The following CDH4 variants were observed in gnomAD, a reference collection of about 807,000 sequenced individuals.
The protein encoded by CDH4 is cadherin-4.
In CDH4, 33 loss-of-function variants were observed where a neutral mutation model predicts 86.0. That is an observed-to-expected ratio of 0.38 (90% CI 0.29 to 0.51). CDH4 has a LOEUF of 0.51. CDH4 is among the 20% of genes least tolerant of loss of function. The pLI, the probability that CDH4 is intolerant of heterozygous loss-of-function variation, is 0.86. For missense variants in CDH4, 1,114 were observed against 1,307.4 expected (o/e 0.85, Z 2.28); for synonymous variants, 555 against 549.4 (o/e 1.01, Z -0.14).
chr20:61,824,178 C>G (rs1981199180), intron 4 of CDH4, among the ~76,000 whole-genome samples: 1 of 152,146 alleles, frequency 6.6e-6, no homozygotes, highest in Non-Finnish European at 1.5e-5. Context: ...GCCTCATCCC[C>G]TCCTACACTG....
rs754331869 is a variant in CDH4, at chr20:61,499,404, G to T, written c.170-244159G>T. On this transcript the variant is annotated intron_variant, in intron 2 of 15. Transcript: ENST00000614565. ...GTTAAAGGTTATGCGGGACTGGGGT[G>T]CAGGTGTGCCTGGTTCAGAACAAGG... 8.8e-6 allele frequency: 11 copies of T among 1,249,122 alleles called. No individual in the cohort carries two copies. The South Asian group carries it at 1.4e-4, about 16-fold the overall frequency. The allele number at this position is 1,249,122 out of a possible 1,614,324, so 77.4% of individuals were successfully genotyped here.
rs1973086160 is a variant in CDH4, at chr20:61,252,568, C to A, written c.55C>A (p.Arg19=). 3 of 1,204,180 alleles carry A rather than the reference C, an allele frequency of 2.5e-6. No individual in the cohort carries two copies. The highest frequency in any genetic ancestry group is 6.8e-5 in the East Asian group (2 of 29,410). The allele number at this position is 1,204,180 out of a possible 1,614,324, so 74.6% of individuals were successfully genotyped here. ...GCTGCTCTCGCTCTCCGGCGCGCTC[C>A]GGGTAAGTTGCCGCCTCCCGCCCCC... ...LLLLSLSGAL[R]AHNEDLTTRE... Residue 19 remains arginine, a splice_region_variant and synonymous_variant, in exon 1 of 16, where the codon CGG becomes AGG. Coordinates refer to ENST00000614565, the MANE Select transcript of CDH4 (RefSeq NM_001794.5). This position sits in a 1 kb window ranked among gnomAD's most constrained non-coding sequence, Gnocchi z 4.4.
rs374018951 is a variant in CDH4, at chr20:61,294,036, C to T, written c.169+39099C>T. Among the ~76,000 whole-genome samples, 11 of 152,220 alleles carry T rather than the reference C, an allele frequency of 7.2e-5. No individual in the cohort carries two copies. In the East Asian group the frequency reaches 7.7e-4, roughly 11 times the overall value. On this transcript the variant is annotated intron_variant, in intron 2 of 15. Coordinates refer to ENST00000614565, the MANE Select transcript of CDH4 (RefSeq NM_001794.5). ...GAGACCCCGGGACAGGTGAAGGCCC[C>T]GGCAGGACAGGTGGTCAGTGTGGGT...
chr20:61,584,743 G>C (rs893425683), intron 2 of CDH4, among the ~76,000 whole-genome samples: 1 of 152,234 alleles, frequency 6.6e-6, no homozygotes, highest in African/African-American at 2.4e-5. Flanking sequence ...ACAGGATCAA[G>C]TTTAGGGGGA....
At chr20:61,888,850 G>C (rs972395467) in intron 7 of CDH4, among the ~76,000 whole-genome samples, 1 of 151,498 alleles carries the variant, frequency 6.6e-6, no homozygotes, top group African/African-American at 2.4e-5. Context: ...GTGTAGAACT[G>C]GGGAGGTCAT....
chr20:61,579,293 T>TG (rs2086407812), intron 2 of CDH4, among the ~76,000 whole-genome samples: 1 of 149,804 alleles, frequency 6.7e-6, no homozygotes, highest in Non-Finnish European at 1.5e-5. Flanking sequence ...AGATTTTTTT[T>TG]TTTTTTTTTT....
At chr20:61,730,195 G>C (rs528734361) in intron 2 of CDH4, among the ~76,000 whole-genome samples, 1 of 152,146 alleles carries the variant, frequency 6.6e-6, no homozygotes, top group African/African-American at 2.4e-5. Flanking sequence ...GCTCTGTCTT[G>C]GTGTGGCGGA....
intron 5 of CDH4, among the ~76,000 whole-genome samples, chr20:61,850,073 T>A (rs1308769462): frequency 6.6e-6 from 1 of 152,184 alleles, no homozygotes; most frequent in East Asian, 1.9e-4. Flanking sequence ...CTGTAAACAT[T>A]CAAACGCACA....
chr20:61,865,565 G>A (rs1176225703), intron 6 of CDH4, among the ~76,000 whole-genome samples: 1 of 151,946 alleles, frequency 6.6e-6, no homozygotes, highest in Non-Finnish European at 1.5e-5. Flanking sequence ...TTCCTGGCTG[G>A]TTAGTGTAGA....
chr20:61,865,576 T>C (rs1983510270), intron 6 of CDH4, among the ~76,000 whole-genome samples: 1 of 151,808 alleles, frequency 6.6e-6, no homozygotes, highest in Non-Finnish European at 1.5e-5. Flanking sequence ...TTAGTGTAGA[T>C]GATAGGTCGC....
intron 2 of CDH4, among the ~76,000 whole-genome samples, chr20:61,310,013 A>G (rs3859606): frequency 0.75 from 114,580 of 152,038 alleles, 43,863 homozygotes; most frequent in Non-Finnish European, 0.82. Flanking sequence ...TTTGCAGGAC[A>G]GCTCTCCTGC....
chr20:61,260,697 A>G (rs563952787), intron 2 of CDH4, among the ~76,000 whole-genome samples: 109 of 152,236 alleles, frequency 7.2e-4, no homozygotes, highest in East Asian at 1.7e-3. Flanking sequence ...ATCCCCAAAA[A>G]TGGGCACGCA....
chr20:61,444,124 A>ATG (rs1166852167), intron 2 of CDH4, among the ~76,000 whole-genome samples: 2 of 141,310 alleles, frequency 1.4e-5, no homozygotes, highest in African/African-American at 5.4e-5. Context: ...GTATCTCTAT[A>ATG]TGTGTCTCTG....
rs148748656 is a variant in CDH4 at position 61,529,730 on chromosome 20, C to T, written c.170-213833C>T. Reference sequence around the variant, plus strand: ...TCACATGCCTCTGTTTTCTTCCCTTCCTAGAGGTATCTTGGGTGGTGTCTT... The same window carrying T: ...TCACATGCCTCTGTTTTCTTCCCTTTCTAGAGGTATCTTGGGTGGTGTCTT... On this transcript the variant is annotated intron_variant, in intron 2 of 15. Coordinates refer to ENST00000614565, the MANE Select transcript of CDH4 (RefSeq NM_001794.5). Among the ~76,000 whole-genome samples, 30 of 152,284 alleles carry T rather than the reference C, an allele frequency of 2.0e-4. 1 individual carries two copies. The East Asian group carries it at 4.8e-3, about 24-fold the overall frequency.
chr20:61,900,025 G>A (rs114630484), intron 8 of CDH4, among the ~76,000 whole-genome samples: 5,168 of 152,230 alleles, frequency 0.034, 296 homozygotes, highest in African/African-American at 0.12. Flanking sequence ...TGCTGCCTGC[G>A]GTCCCTCCTC....
At chr20:61,330,600 G>A (rs974177869) in intron 2 of CDH4, among the ~76,000 whole-genome samples, 3 of 152,298 alleles carry the variant, frequency 2.0e-5, no homozygotes, top group Non-Finnish European at 4.4e-5. Context: ...GACGGGGAAC[G>A]CCTGCCTTCT....
At chr20:61,763,359 C>T (rs773510989) in intron 3 of CDH4, among the ~76,000 whole-genome samples, 1 of 152,190 alleles carries the variant, frequency 6.6e-6, no homozygotes, top group Non-Finnish European at 1.5e-5. Context: ...ATCTGCACCA[C>T]GCTGGGGTTT....
chr20:61,474,222 G>A (rs1000395198), intron 2 of CDH4, among the ~76,000 whole-genome samples: 14 of 126,626 alleles, frequency 1.1e-4, no homozygotes, highest in African/African-American at 2.8e-4. Context: ...GTGCAGTGGC[G>A]CAATCTTGGC....
intron 2 of CDH4, among the ~76,000 whole-genome samples, chr20:61,559,378 C>G (rs973770164): frequency 6.6e-6 from 1 of 152,084 alleles, no homozygotes; most frequent in Non-Finnish European, 1.5e-5. Context: ...ATGGCCATCA[C>G]TGGGGCTGGA....
Sources: gnomAD v4.1 joint callset for allele counts (sites outside exome capture counted in the v4.1 genomes callset) on GRCh38, gnomAD v4.1.1 for gene constraint, Gnocchi (gnomAD v3.1) non-coding constraint, MANE v1.5 for transcripts, NCBI Gene and HGNC (gene_info 2026-07-23, HGNC 2026-07-21) for gene names.